Variants in CSN1S1 observed in about 807,000 individuals in gnomAD.
CSN1S1 encodes casein alpha s1.
In CSN1S1, 63 loss-of-function variants were observed where a neutral mutation model predicts 49.1. The ratio of observed to expected loss-of-function variants is 1.28; its 90% CI spans 1.05 to 1.58. The LOEUF (loss-of-function observed/expected upper bound fraction) is 1.58, where lower values mean the gene tolerates loss of function less well. Among genes scored for constraint, CSN1S1 ranks in the 40% most tolerant of loss-of-function variants. CSN1S1 has a pLI of 0.00. For synonymous variants in CSN1S1, 78 were observed against 67.1 expected, an observed-to-expected ratio of 1.16 and a Z score of -0.79; for missense variants, 260 against 224.7, an observed-to-expected ratio of 1.16 and a Z score of -1.01.
At position 69,946,256 on chromosome 4, in the gene CSN1S1, G is replaced by T. The variant is rs762595237; in HGVS notation, c.*60G>T. On this transcript the variant is annotated 3_prime_UTR_variant, in exon 16 of 16. Coordinates refer to ENST00000246891, the MANE Select transcript of CSN1S1 (RefSeq NM_001890.2). Reference sequence around the variant, plus strand: ...CTCAAGGAAAACCATCTTATCTGAAGACTGGACTGTTGTTTTAGAATAGTA... The same window carrying T: ...CTCAAGGAAAACCATCTTATCTGAATACTGGACTGTTGTTTTAGAATAGTA... 4.7e-5 allele frequency: 22 copies of T among 471,496 alleles called. No individual in the cohort carries two copies. The highest frequency in any genetic ancestry group is 7.9e-5 in the Non-Finnish European group (20 of 254,224). 29.2% of individuals were successfully genotyped at this position (471,496 alleles called of 1,614,324 possible).
At chr4:69,940,756 A>G (rs1163044648) in intron 11 of CSN1S1, among the ~76,000 whole-genome samples, 1 of 151,892 alleles carries the variant, frequency 6.6e-6, no homozygotes, top group African/African-American at 2.4e-5. Context: ...ATTCTGATAT[A>G]TTGTAACTAA....
Position 69,942,072 on chromosome 4 carries a change from AT to A in CSN1S1, c.360+12del. On this transcript the variant is annotated intron_variant, in intron 13 of 15. Transcript: ENST00000246891. ...AAGCTGCCCATGCCCAGGTGAGATT[AT>A]TTATTAAATCTAAAATATTTTAGTA... The A allele has an allele frequency of 7.0e-7, 1 of 1,435,110 alleles. No individual in the cohort carries two copies. Among genetic ancestry groups the A allele is most frequent in the South Asian group, 1.4e-5 (1 of 69,330 alleles). 88.9% of individuals were successfully genotyped at this position (1,435,110 alleles called of 1,614,324 possible).
chr4:69,936,727 A>C, intron 7 of CSN1S1, 120 bp downstream of exon 7: 1 of 874,410 alleles, frequency 1.1e-6, no homozygotes, highest in East Asian at 2.7e-5. Context: ...TGAACTTTTC[A>C]CTCATACATT....
chr4:69,934,862 T>C (rs1722721758), intron 4 of CSN1S1, among the ~76,000 whole-genome samples, 152 bp downstream of exon 4: 1 of 152,106 alleles, frequency 6.6e-6, no homozygotes, highest in Non-Finnish European at 1.5e-5. Context: ...CTCTAAATTC[T>C]GTTTTGATGA....
chr4:69,937,894 TA>T (rs1560387878), intron 9 of CSN1S1, 71 bp downstream of exon 9: 1 of 1,031,470 alleles, frequency 9.7e-7, no homozygotes, highest in Non-Finnish European at 1.4e-6. Context: ...TGCTTCATTT[TA>T]AAAAGACTGT....
At chr4:69,940,088 G>A in intron 11 of CSN1S1, 44 bp downstream of exon 11, 1 of 918,730 alleles carries the variant, frequency 1.1e-6, no homozygotes, top group Admixed American at 3.1e-5. Flanking sequence ...ATATTTTCCA[G>A]GATAATTAAA....
rs1578131507 is a variant in CSN1S1, at chr4:69,934,132, C to T, written c.52-80C>T. The T allele has an allele frequency of 2.9e-6, 3 of 1,047,104 alleles. No individual in the cohort carries two copies. In the South Asian group the frequency reaches 4.8e-5, roughly 17 times the overall value. The allele number at this position is 1,047,104 out of a possible 1,614,324, so 64.9% of individuals were successfully genotyped here. On this transcript the variant is annotated intron_variant, in intron 2 of 15. Transcript: ENST00000246891. ...TGAAAATGGCAGTGTCAAAAATCAT[C>T]GTATTATATGTGTATTATTATATTG...
chr4:69,939,076 T>C (rs985063721), intron 9 of CSN1S1, 100 bp from the exon 10 acceptor site: 14 of 808,974 alleles, frequency 1.7e-5, no homozygotes, highest in Admixed American at 1.3e-4. Context: ...TCAGTTATAA[T>C]GTTACCATGG....
chr4:69,942,128 C>A, intron 13 of CSN1S1, 65 bp downstream of exon 13: 1 of 928,420 alleles, frequency 1.1e-6, no homozygotes, highest in Non-Finnish European at 1.6e-6. Context: ...TTTTATAATG[C>A]ATGATTCTCT....
rs868236885 is a variant in CSN1S1, at chr4:69,939,619, A to C, written c.277-402A>C. Among the ~76,000 whole-genome samples the C allele has an allele frequency of 2.6e-5, 4 of 151,762 alleles. No individual in the cohort carries two copies. In the Middle Eastern group the frequency reaches 0.01, roughly 387 times the overall value. On this transcript the variant is annotated intron_variant, in intron 10 of 15. Transcript: ENST00000246891. ...AATCAGACACTGGACTCCTCCAGCT[A>C]CTCTCCACTCTTTGCCCTGTGTTAA...
intron 14 of CSN1S1, among the ~76,000 whole-genome samples, chr4:69,943,286 T>C (rs1128577): frequency 6.6e-6 from 1 of 151,722 alleles, no homozygotes; most frequent in Admixed American, 6.6e-5. Flanking sequence ...CGGGTTCTAG[T>C]GATGCTCATA....
In CSN1S1 at chr4:69,941,053, T is replaced by C; in HGVS notation, c.335T>C (p.Leu112Pro). ...QFCRLNEYNQ[L>P]QLQAAHAQEQ... ...TGTAGACTGAACGAATACAACCAAC[T>C]TCAGCTGGTAATATTTTATTCATTA... Residue 112 changes from leucine (L) to proline (P), a missense_variant, in exon 12 of 16, where the codon CTT becomes CCT. Leu to Pro is a moderately conservative substitution (Grantham distance 98). Transcript: ENST00000246891. 6.7e-7 allele frequency: 1 copy of C among 1,491,932 alleles called. No homozygotes were observed. The allele number at this position is 1,491,932 out of a possible 1,614,324, so 92.4% of individuals were successfully genotyped here.
intron 14 of CSN1S1, among the ~76,000 whole-genome samples, chr4:69,942,932 G>A (rs1388564602): frequency 7.0e-6 from 1 of 143,028 alleles, no homozygotes; most frequent in African/African-American, 2.6e-5. Flanking sequence ...TTCAATTTAT[G>A]TACAACATGC....
At chr4:69,942,204 T>C (rs1382274062) in intron 13 of CSN1S1, 141 bp downstream of exon 13, 1 of 577,560 alleles carries the variant, frequency 1.7e-6, no homozygotes, top group Admixed American at 3.5e-5. Context: ...TACTTAAAAG[T>C]CACAAAAGAC....
chr4:69,946,268 G>A lies in CSN1S1; in HGVS notation c.*72G>A. 2.3e-6 allele frequency: 1 copy of A among 431,754 alleles called. No homozygotes were observed. Among genetic ancestry groups the A allele is most frequent in the South Asian group, 5.1e-5 (1 of 19,530 alleles). The allele number at this position is 431,754 out of a possible 1,614,324, so 26.7% of individuals were successfully genotyped here. On this transcript the variant is annotated 3_prime_UTR_variant, in exon 16 of 16. Coordinates refer to ENST00000246891, the MANE Select transcript of CSN1S1 (RefSeq NM_001890.2). ...CATCTTATCTGAAGACTGGACTGTT[G>A]TTTTAGAATAGTAAAATCCCATATT... is the stretch of plus-strand genomic sequence containing the variant.
rs115036237 is a variant in CSN1S1, at chr4:69,932,826, A to T, written c.51+220A>T. Among the ~76,000 whole-genome samples, 783 of 152,076 alleles carry T rather than the reference A, an allele frequency of 5.1e-3. 9 individuals carry two copies. The highest frequency in any genetic ancestry group is 0.018 in the African/African-American group (751 of 41,548). ...ACTCTGAATAAAATGTCTGACTTGAATTATAAGCACCCCACAATAAAAAAG... is the reference window on the plus strand; with the variant it reads ...ACTCTGAATAAAATGTCTGACTTGATTTATAAGCACCCCACAATAAAAAAG... On this transcript the variant is annotated intron_variant, in intron 2 of 15. Transcript: ENST00000246891.
At chr4:69,935,975 C>T (rs147629123) in intron 5 of CSN1S1, 26 bp downstream of exon 5, 71 of 1,518,536 alleles carry the variant, frequency 4.7e-5, no homozygotes, top group Middle Eastern at 1.7e-4. Context: ...CAGAATTTAC[C>T]GTGCAATTAA....
At chr4:69,939,138 T>A (rs370203007) in intron 9 of CSN1S1, 38 bp from the exon 10 acceptor site, 2 of 1,523,422 alleles carry the variant, frequency 1.3e-6, no homozygotes, top group Non-Finnish European at 1.8e-6. Flanking sequence ...ATTCTAAAAA[T>A]CCCAGGGGAT....
chr4:69,941,791 C>CA (rs1463264664), intron 12 of CSN1S1, among the ~76,000 whole-genome samples: 5 of 151,796 alleles, frequency 3.3e-5, no homozygotes, highest in African/African-American at 1.2e-4. Flanking sequence ...ATTAGTACCC[C>CA]AATAGAATTC....
Sources: gnomAD v4.1 joint callset for allele counts (sites outside exome capture counted in the v4.1 genomes callset) on GRCh38, gnomAD v4.1.1 for gene constraint, MANE v1.5 for transcripts, NCBI Gene and HGNC (gene_info 2026-07-23, HGNC 2026-07-21) for gene names.